The following NFIB variants were observed in gnomAD, a reference collection of about 807,000 sequenced individuals.
NFIB encodes nuclear factor I B, also known as nuclear factor 1 B-type.
A neutral mutation model predicts 61.5 loss-of-function variants in NFIB; 11 were observed. The ratio of observed to expected loss-of-function variants is 0.18; its 90% CI spans 0.11 to 0.30. The LOEUF (loss-of-function observed/expected upper bound fraction) is 0.30, where lower values mean the gene tolerates loss of function less well. NFIB is among the 10% of genes least tolerant of loss of function. NFIB has a pLI of 1.00. For missense variants in NFIB, 471 were observed against 608.9 expected (o/e 0.77, Z 2.38); for synonymous variants, 260 against 216.5 (o/e 1.20, Z -1.76).
the NFIB span, among the ~76,000 whole-genome samples, chr9:14,471,429 T>C: frequency 2.0e-5 from 3 of 152,246 alleles, no homozygotes; most frequent in Non-Finnish European, 4.4e-5. Flanking sequence ...CCCAGAAGCG[T>C]TGCCATCATA....
upstream of NFIB, among the ~76,000 whole-genome samples, chr9:14,401,282 T>C (rs17709614): frequency 0.51 from 78,001 of 152,094 alleles, 21,174 homozygotes; most frequent in Admixed American, 0.64. Context: ...TCTGTTCAAC[T>C]TTTGTCAATC....
chr9:14,235,308 T>G (rs1357511907), intron 2 of NFIB, among the ~76,000 whole-genome samples: 1 of 152,220 alleles, frequency 6.6e-6, no homozygotes, highest in Non-Finnish European at 1.5e-5. Flanking sequence ...ATGCCTTTTG[T>G]GTTTAGGAAC....
intron 3 of NFIB, among the ~76,000 whole-genome samples, chr9:14,168,562 A>T (rs1399545762): frequency 6.6e-6 from 1 of 152,222 alleles, no homozygotes; most frequent in Non-Finnish European, 1.5e-5. Context: ...ATGTCATGCT[A>T]ACGAGCTAGG....
chr9:14,135,946 G>T (rs1342518511), intron 6 of NFIB, among the ~76,000 whole-genome samples: 1 of 152,032 alleles, frequency 6.6e-6, no homozygotes, highest in Non-Finnish European at 1.5e-5. Flanking sequence ...AATAGTTTAA[G>T]TCTCTCTTGC....
chr9:14,349,308 A>G (rs1404714425), intron 1 of NFIB, among the ~76,000 whole-genome samples: 1 of 152,162 alleles, frequency 6.6e-6, no homozygotes. Flanking sequence ...TGAGGAGCAC[A>G]CGGTCCCGAG....
the NFIB span, among the ~76,000 whole-genome samples, chr9:14,472,493 T>C: frequency 6.6e-6 from 1 of 152,240 alleles, no homozygotes; most frequent in Non-Finnish European, 1.5e-5. Context: ...ATAAAATGTG[T>C]AGCTTGTATT....
rs1232199388 is a variant in NFIB at position 14,284,142 on chromosome 9, A to T, written c.562+22847T>A. On this transcript the variant is annotated intron_variant, in intron 2 of 10. Coordinates refer to ENST00000380953, the MANE Select transcript of NFIB (RefSeq NM_001190737.2). Reference sequence around the variant, plus strand: ...GAGTTATTCAAGATATTTAACCTCAATTTCTTTATCTATTATTTGATGAGA... The same window carrying T: ...GAGTTATTCAAGATATTTAACCTCATTTTCTTTATCTATTATTTGATGAGA... 5.3e-5 allele frequency among the ~76,000 whole-genome samples: 8 copies of T among 152,306 alleles called. No individual in the cohort carries two copies. The East Asian group carries it at 9.6e-4, about 18-fold the overall frequency.
At chr9:14,220,731 C>T (rs1261163350) in intron 2 of NFIB, among the ~76,000 whole-genome samples, 1 of 152,006 alleles carries the variant, frequency 6.6e-6, no homozygotes, top group Non-Finnish European at 1.5e-5. Flanking sequence ...TCAGAAAACC[C>T]CCTTCATCAA....
At chr9:14,397,247 G>C (rs2061696299) in intron 1 of NFIB, among the ~76,000 whole-genome samples, 1 of 152,196 alleles carries the variant, frequency 6.6e-6, no homozygotes, top group African/African-American at 2.4e-5. Context: ...TGTTTCTGCA[G>C]TGTTACATAT....
intron 2 of NFIB, among the ~76,000 whole-genome samples, chr9:14,198,828 CACAA>C (rs1386179661): frequency 2.6e-5 from 4 of 152,166 alleles, no homozygotes; most frequent in African/African-American, 4.8e-5. Context: ...GTCCTGAAAA[CACAA>C]ACAAACAAAA....
At chr9:14,311,034 T>C (rs1366563485) in intron 1 of NFIB, among the ~76,000 whole-genome samples, 5 of 152,144 alleles carry the variant, frequency 3.3e-5, no homozygotes, top group Non-Finnish European at 7.4e-5. Flanking sequence ...GAAAGTTATA[T>C]TATTAATGGT....
intron 2 of NFIB, among the ~76,000 whole-genome samples, chr9:14,196,702 A>C (rs890316215): frequency 1.3e-5 from 2 of 152,072 alleles, no homozygotes; most frequent in African/African-American, 2.4e-5. Flanking sequence ...AAAAAAAAAA[A>C]AAACAGAGCC....
the NFIB span, among the ~76,000 whole-genome samples, chr9:14,454,654 T>A: frequency 6.6e-6 from 1 of 152,230 alleles, no homozygotes; most frequent in East Asian, 1.9e-4. Context: ...GTAACATCAG[T>A]TCTATATTTG....
chr9:14,168,738 T>C (rs562928043), intron 3 of NFIB, among the ~76,000 whole-genome samples: 1 of 152,330 alleles, frequency 6.6e-6, no homozygotes, highest in African/African-American at 2.4e-5. Context: ...GTGAGCTAGT[T>C]AAAGAGGCAA....
At chr9:14,294,212 A>AG (rs1397067171) in intron 2 of NFIB, among the ~76,000 whole-genome samples, 4 of 152,222 alleles carry the variant, frequency 2.6e-5, no homozygotes, top group Non-Finnish European at 5.9e-5. Context: ...TACTATAAGC[A>AG]GCTTTTCCCT....
intron 7 of NFIB, among the ~76,000 whole-genome samples, chr9:14,121,912 G>A (rs2038988373): frequency 6.6e-6 from 1 of 152,098 alleles, no homozygotes; most frequent in Non-Finnish European, 1.5e-5. Flanking sequence ...TGGAGAAAGA[G>A]TGTAATCGTA....
intron 2 of NFIB, among the ~76,000 whole-genome samples, chr9:14,249,118 C>T (rs780863788): frequency 6.6e-6 from 1 of 152,216 alleles, no homozygotes; most frequent in African/African-American, 2.4e-5. Flanking sequence ...AAAAGGACCA[C>T]TGAAATAAGA....
chr9:14,518,733 T>C, the NFIB span, among the ~76,000 whole-genome samples: 1 of 152,136 alleles, frequency 6.6e-6, no homozygotes, highest in African/African-American at 2.4e-5. Context: ...CCTCCTTTCC[T>C]TGCCAGCAAT....
At chr9:14,423,380 T>C in the NFIB span, among the ~76,000 whole-genome samples, 1 of 152,218 alleles carries the variant, frequency 6.6e-6, no homozygotes, top group East Asian at 1.9e-4. Flanking sequence ...TCAAGCCCTC[T>C]TACACAGAGA....
Sources: allele counts gnomAD v4.1 joint callset (sites outside exome capture counted in the v4.1 genomes callset), GRCh38; gene constraint gnomAD v4.1.1; transcripts MANE v1.5; gene names NCBI Gene and HGNC (gene_info 2026-07-23, HGNC 2026-07-21).